KIN: variants seen among roughly 807,000 people sequenced by gnomAD.
KIN encodes the protein Kin17 DNA and RNA binding protein.
Under a neutral mutation model 63.0 loss-of-function variants are expected in KIN, and 47 were observed. The observed-to-expected ratio is 0.75, with a 90% CI of 0.59 to 0.95. The LOEUF is 0.95. Among genes scored for constraint, KIN ranks in the 40% least tolerant of loss-of-function variants. The pLI is 0.00. For missense variants in KIN, 408 were observed against 460.9 expected (o/e 0.89, Z 1.05); for synonymous variants, 160 against 157.7 (o/e 1.01, Z -0.11).
intron 2 of KIN, 78 bp from the exon 3 acceptor site, chr10:7,780,385 G>A (rs1191028211): frequency 3.2e-6 from 4 of 1,266,564 alleles, no homozygotes; most frequent in Non-Finnish European, 4.4e-6. Flanking sequence ...TTAAGCAGTA[G>A]TACAGTTTTT....
rs192331644 is a variant in KIN at position 7,769,582 on chromosome 10, G to A, written c.669-237C>T. On this transcript the variant is annotated intron_variant, in intron 7 of 12. Transcript: ENST00000379562. ...AGCACTGTGTGAGCATTTAACCCAT[G>A]CTGTCTTTAACTCTCTGTACCTTCT... is the stretch of plus-strand genomic sequence containing the variant. Among the ~76,000 whole-genome samples the A allele has an allele frequency of 2.6e-4, 39 of 152,154 alleles. No homozygotes were observed. In the East Asian group the frequency reaches 6.9e-3, roughly 27 times the overall value.
chr10:7,769,557 A>G (rs749615406), intron 7 of KIN, among the ~76,000 whole-genome samples: 7 of 152,144 alleles, frequency 4.6e-5, no homozygotes, highest in African/African-American at 1.7e-4. Context: ...TGTACCTATC[A>G]GCACTGTGTG....
intron 1 of KIN, among the ~76,000 whole-genome samples, chr10:7,783,408 G>A (rs1180618773): frequency 6.6e-6 from 1 of 152,178 alleles, no homozygotes; most frequent in Non-Finnish European, 1.5e-5. Context: ...GCAAAAGAGT[G>A]TTGTAGAAAA....
intron 2 of KIN, among the ~76,000 whole-genome samples, chr10:7,782,815 C>T (rs1330477832): frequency 6.6e-6 from 1 of 152,086 alleles, no homozygotes; most frequent in Admixed American, 6.6e-5. Flanking sequence ...GAATGCAGAA[C>T]CTATGTTCTT....
intron 5 of KIN, among the ~76,000 whole-genome samples, chr10:7,776,669 T>G (rs1835780671): frequency 6.8e-6 from 1 of 147,840 alleles, no homozygotes; most frequent in Non-Finnish European, 1.5e-5. Flanking sequence ...AGGCGGAGGT[T>G]GCAGTGAGCC....
chr10:7,784,372 T>C (rs1225045361), intron 1 of KIN, among the ~76,000 whole-genome samples: 2 of 152,056 alleles, frequency 1.3e-5, no homozygotes, highest in East Asian at 1.9e-4. Flanking sequence ...TGTGTGAGCC[T>C]CCGAGTTCAA....
chr10:7,780,725 T>C lies in KIN; in HGVS notation c.210-418A>G, dbSNP rs543458692. ...CAGTAGTATAGTTTTAATGTCCAAA[T>C]GATATGTGAAACATCTACATGAATA... On this transcript the variant is annotated intron_variant, in intron 2 of 12. Transcript: ENST00000379562. Among the ~76,000 whole-genome samples, 50 of 152,300 alleles carry C rather than the reference T, an allele frequency of 3.3e-4. No individual in the cohort carries two copies. In the Middle Eastern group the frequency reaches 0.02, roughly 62 times the overall value.
chr10:7,781,750 CAA>C (rs34969604), intron 2 of KIN, among the ~76,000 whole-genome samples: 1,979 of 67,866 alleles, frequency 0.029, 14 homozygotes, highest in South Asian at 0.049. Flanking sequence ...AAGACCCTGT[CAA>C]AAAAAAAAAA....
At chr10:7,763,107 T>C (rs182290990) in intron 10 of KIN, among the ~76,000 whole-genome samples, 135 of 152,052 alleles carry the variant, frequency 8.9e-4, no homozygotes, top group Admixed American at 3.6e-3. Context: ...AATATAAAAG[T>C]TAGCCAGGTG....
chr10:7,780,477 C>G (rs1835874964), intron 2 of KIN, among the ~76,000 whole-genome samples, 170 bp from the exon 3 acceptor site: 3 of 152,130 alleles, frequency 2.0e-5, no homozygotes, highest in Admixed American at 2.0e-4. Context: ...TCATTGCAAC[C>G]TCCACTTCCC....
intron 1 of KIN, 22 bp downstream of exon 1, chr10:7,787,798 G>C (rs1233243593): frequency 1.9e-6 from 3 of 1,573,946 alleles, no homozygotes; most frequent in Admixed American, 3.3e-5. Context: ...TGGGAAGACG[G>C]GGCCACTCCG....
intron 11 of KIN, among the ~76,000 whole-genome samples, chr10:7,760,949 G>A (rs1248519904): frequency 6.6e-6 from 1 of 152,144 alleles, no homozygotes; most frequent in African/African-American, 2.4e-5. Context: ...CTGAGTGAAA[G>A]TAGCCAGACC....
chr10:7,782,921 T>C (rs1402916321), intron 2 of KIN, among the ~76,000 whole-genome samples, 160 bp downstream of exon 2: 1 of 152,018 alleles, frequency 6.6e-6, no homozygotes, highest in Non-Finnish European at 1.5e-5. Flanking sequence ...AACAGTTTTA[T>C]ACTATGATTA....
chr10:7,779,000 C>T lies in KIN; in HGVS notation c.396G>A (p.Glu132=). The T allele has an allele frequency of 6.2e-7, 1 of 1,612,574 alleles. No homozygotes were observed. The highest frequency in any genetic ancestry group is 2.2e-5 in the East Asian group (1 of 44,884). The change falls in exon 5 of 13, where the codon GAG becomes GAA. Residue 132 remains glutamate, a synonymous_variant. Coordinates refer to ENST00000379562, the MANE Select transcript of KIN (RefSeq NM_012311.4). ...LGREGLCKVD[E]TPKGWYIQYI... is the part of the protein sequence containing the mutation. ...ACTGAATATACCAGCCTTTTGGTGTCTCGTCCACTTTGCACAAGCCTTAAA... is the reference window on the plus strand; with the variant it reads ...ACTGAATATACCAGCCTTTTGGTGTTTCGTCCACTTTGCACAAGCCTTAAA...
chr10:7,754,316 CAG>C lies in KIN; in HGVS notation c.*1762_*1763del, dbSNP rs1835289812. On this transcript the variant is annotated 3_prime_UTR_variant, in exon 13 of 13. Coordinates refer to ENST00000379562, the MANE Select transcript of KIN (RefSeq NM_012311.4). ...TGCCACTGCACTCCAGGCTGGATGACAGAGCAAGACCCTATCTCAAAAAACAG... is the reference window on the plus strand; with the variant it reads ...TGCCACTGCACTCCAGGCTGGATGACAGCAAGACCCTATCTCAAAAAACAG... 3.2e-6 allele frequency: 1 copy of C among 307,802 alleles called. No individual in the cohort carries two copies. 19.1% of individuals were successfully genotyped at this position (307,802 alleles called of 1,614,324 possible).
chr10:7,756,054 A>T lies in KIN; in HGVS notation c.*26T>A. 1 of 1,390,590 alleles carries T rather than the reference A, an allele frequency of 7.2e-7. No individual in the cohort carries two copies. Among genetic ancestry groups the T allele is most frequent in the Non-Finnish European group, 1.0e-6 (1 of 991,914 alleles). 86.1% of individuals were successfully genotyped at this position (1,390,590 alleles called of 1,614,324 possible). ...CACCAATTTGATGCTTTAAGATTTT[A>T]ATGTATTGTTAACAAATTTTCAAAC... is the stretch of plus-strand genomic sequence containing the variant. On this transcript the variant is annotated 3_prime_UTR_variant, in exon 13 of 13. Coordinates refer to ENST00000379562, the MANE Select transcript of KIN (RefSeq NM_012311.4).
chr10:7,767,309 C>T (rs1381297694), intron 8 of KIN, among the ~76,000 whole-genome samples: 1 of 152,076 alleles, frequency 6.6e-6, no homozygotes, highest in Admixed American at 6.6e-5. Context: ...GGATCTCTCC[C>T]CAGGCGCTAC....
intron 1 of KIN, among the ~76,000 whole-genome samples, chr10:7,784,385 C>T (rs895884072): frequency 1.3e-5 from 2 of 152,138 alleles, no homozygotes; most frequent in South Asian, 2.1e-4. Flanking sequence ...GAGTTCAAGA[C>T]CAACCTGAGC....
intron 8 of KIN, among the ~76,000 whole-genome samples, chr10:7,767,419 G>T (rs1835569911): frequency 6.6e-6 from 1 of 152,204 alleles, no homozygotes; most frequent in Non-Finnish European, 1.5e-5. Flanking sequence ...AACAAGGACT[G>T]TTTTTCTTTC....
Sources: allele counts gnomAD v4.1 joint callset (sites outside exome capture counted in the v4.1 genomes callset), GRCh38; gene constraint gnomAD v4.1.1; transcripts MANE v1.5; gene names NCBI Gene and HGNC (gene_info 2026-07-23, HGNC 2026-07-21).